The following PDE10A variants were observed in gnomAD, a reference collection of about 807,000 sequenced individuals.
The protein encoded by PDE10A is phosphodiesterase 10A, also known as cAMP and cAMP-inhibited cGMP 3',5'-cyclic phosphodiesterase 10A.
Under a neutral mutation model 97.7 loss-of-function variants are expected in PDE10A, and 39 were observed. The observed-to-expected ratio is 0.40, with a 90% confidence interval of 0.31 to 0.52. The LOEUF (loss-of-function observed/expected upper bound fraction) is 0.52, where lower values mean the gene tolerates loss of function less well. Among genes scored for constraint, PDE10A ranks in the 20% least tolerant of loss-of-function variants. PDE10A has a pLI of 0.56. For missense variants in PDE10A, 731 were observed against 1,047.8 expected, an observed-to-expected ratio of 0.70 and a Z score of 4.17; for synonymous variants, 371 against 376.8, an observed-to-expected ratio of 0.98 and a Z score of 0.18.
intron 1 of PDE10A, among the ~76,000 whole-genome samples, chr6:165,859,329 T>A (rs2498584): frequency 0.66 from 100,662 of 152,048 alleles, 33,891 homozygotes; most frequent in East Asian, 0.93. Flanking sequence ...TAACACAAAT[T>A]TACCATGAAG....
intron 13 of PDE10A, among the ~76,000 whole-genome samples, chr6:165,413,191 C>G (rs1319963670): frequency 6.6e-6 from 1 of 152,132 alleles, no homozygotes; most frequent in African/African-American, 2.4e-5. Context: ...GTAGCATTTT[C>G]TTTCTTCATT....
intron 1 of PDE10A, among the ~76,000 whole-genome samples, chr6:165,728,203 G>T (rs1163120210): frequency 6.6e-6 from 1 of 152,178 alleles, no homozygotes; most frequent in Admixed American, 6.5e-5. Flanking sequence ...GAGCAGGTAG[G>T]GCCCCTAGTC....
rs917786957 is a variant in PDE10A, at chr6:165,604,299, A to T, written c.865+57648T>A. ...GGCGCCTGGCAAACAGCAGACCCCC[A>T]CCAATAAATACTTTCAATAAGTGAA... On this transcript the variant is annotated intron_variant, in intron 1 of 21. Coordinates refer to ENST00000539869, the MANE Select transcript of PDE10A (RefSeq NM_001385079.1). Among the ~76,000 whole-genome samples, 4 of 152,294 alleles carry T rather than the reference A, an allele frequency of 2.6e-5. No individual in the cohort carries two copies. The East Asian group carries it at 7.7e-4, about 29-fold the overall frequency.
chr6:165,676,310 A>G (rs190004235), intron 1 of PDE10A, among the ~76,000 whole-genome samples: 4 of 152,336 alleles, frequency 2.6e-5, no homozygotes, highest in East Asian at 1.9e-4. Flanking sequence ...TGGCCACACT[A>G]AAGTCCAGAC....
At chr6:165,343,120 TTAAG>T (rs1277583993) in intron 19 of PDE10A, among the ~76,000 whole-genome samples, 1 of 152,218 alleles carries the variant, frequency 6.6e-6, no homozygotes, top group African/African-American at 2.4e-5. Flanking sequence ...AGATCAGCTG[TTAAG>T]TAAGATAACT....
At chr6:165,550,150 G>A (rs368706853) in intron 1 of PDE10A, among the ~76,000 whole-genome samples, 13 of 151,982 alleles carry the variant, frequency 8.6e-5, no homozygotes, top group Admixed American at 5.9e-4. Context: ...GACCTTAAAA[G>A]AATTATTTTC....
intron 1 of PDE10A, among the ~76,000 whole-genome samples, chr6:165,602,574 A>ACAGGCCCCTT (rs1787014537): frequency 1.3e-5 from 2 of 152,234 alleles, no homozygotes; most frequent in Admixed American, 1.3e-4. Context: ...CAGCATGTGT[A>ACAGGCCCCTT]CAGGCCCCTT....
chr6:165,689,300 A>G (rs1020685062), intron 1 of PDE10A, among the ~76,000 whole-genome samples: 3 of 152,194 alleles, frequency 2.0e-5, no homozygotes, highest in African/African-American at 7.2e-5. Flanking sequence ...TGTTTCCAAC[A>G]TTTTTGTGTG....
chr6:165,384,432 G>A lies in PDE10A; in HGVS notation c.2610+3866C>T, dbSNP rs1402461869. Among the ~76,000 whole-genome samples the A allele has an allele frequency of 2.6e-5, 4 of 152,184 alleles. No homozygotes were observed. In the East Asian group the frequency reaches 7.7e-4, roughly 29 times the overall value. On this transcript the variant is annotated intron_variant, in intron 17 of 21. Transcript: ENST00000539869. ...CACAATGGGAAGCTCAGGGAAAAAT[G>A]AGAACGCAGACTGACCTTCTCTGCA...
chr6:165,804,106 C>A (rs1779052027), intron 1 of PDE10A, among the ~76,000 whole-genome samples: 1 of 152,174 alleles, frequency 6.6e-6, no homozygotes, highest in Non-Finnish European at 1.5e-5. Context: ...CGTCCTTAAC[C>A]AAGATCTAGT....
At chr6:165,373,639 TA>T (rs1784413625) in intron 18 of PDE10A, among the ~76,000 whole-genome samples, 1 of 152,118 alleles carries the variant, frequency 6.6e-6, no homozygotes, top group South Asian at 2.1e-4. Flanking sequence ...GGTGGGACTG[TA>T]AACTAGTTCA....
At chr6:165,379,410 G>A (rs769048771) in intron 17 of PDE10A, 44 bp from the exon 18 acceptor site, 32 of 1,446,036 alleles carry the variant, frequency 2.2e-5, no homozygotes, top group South Asian at 1.7e-4. Context: ...ACAAGCACAA[G>A]CTCTAATCTT....
chr6:165,449,015 G>A (rs1347062465), intron 4 of PDE10A, 38 bp from the exon 5 acceptor site: 1 of 1,530,794 alleles, frequency 6.5e-7, no homozygotes, highest in South Asian at 1.1e-5. Context: ...ACTGAGCTCA[G>A]TGGGAGAATC....
chr6:165,394,753 C>A (rs1364153897), intron 15 of PDE10A, among the ~76,000 whole-genome samples: 1 of 152,124 alleles, frequency 6.6e-6, no homozygotes, highest in African/African-American at 2.4e-5. Flanking sequence ...CTTTAATGAT[C>A]GCCATTCTAA....
chr6:165,603,592 G>C (rs1787070197), intron 1 of PDE10A, among the ~76,000 whole-genome samples: 1 of 152,188 alleles, frequency 6.6e-6, no homozygotes, highest in Admixed American at 6.5e-5. Context: ...TCTCCTAAGT[G>C]GCTCAGATGA....
rs992040354 is a variant in PDE10A at position 165,662,666 on chromosome 6, G to C, written c.146C>G (p.Pro49Arg). 1 of 140,682 alleles carries C rather than the reference G, an allele frequency of 7.1e-6. No individual in the cohort carries two copies. Among genetic ancestry groups the C allele is most frequent in the Non-Finnish European group, 1.6e-5 (1 of 63,596 alleles). The allele number at this position is 140,682 out of a possible 1,614,324, so 8.7% of individuals were successfully genotyped here. Residue 49 changes from proline to arginine, a missense_variant, in exon 1 of 22, where the codon CCG becomes CGG. By Grantham distance (103) the Pro-to-Arg change is moderately radical. Around this residue, in one of 8 missense-constraint regions of PDE10A, gnomAD observed 181 missense variants for 159.1 expected, o/e 1.14. Transcript: ENST00000539869. ...AGGGSAAGPG[P>R]APEWPGRGRA... ...GCCACGGCCAGGCCACTCGGGGGCC[G>C]GGCCCGGGCCCGCCGCGCTCCCCCC...
chr6:165,761,444 A>T (rs1010919601), intron 1 of PDE10A, among the ~76,000 whole-genome samples: 4 of 146,764 alleles, frequency 2.7e-5, no homozygotes, highest in African/African-American at 1.1e-4. Flanking sequence ...CAGCCCCTCC[A>T]TGCGGGTCAC....
rs899973788 is a variant in PDE10A at position 165,849,314 on chromosome 6, C to T, written c.-615+138215G>A. Reference sequence around the variant, plus strand: ...GGCCCTAAGTCTATGAAAAACATTGCTGTTATCGAACCCATGTTTAAATCC... The same window carrying T: ...GGCCCTAAGTCTATGAAAAACATTGTTGTTATCGAACCCATGTTTAAATCC... On this transcript the variant is annotated intron_variant, in intron 1 of 19. Coordinates refer to the PDE10A transcript ENST00000366882. 9.8e-5 allele frequency among the ~76,000 whole-genome samples: 15 copies of T among 152,296 alleles called. No individual in the cohort carries two copies. The East Asian group carries it at 2.9e-3, about 29-fold the overall frequency.
intron 2 of PDE10A, among the ~76,000 whole-genome samples, chr6:165,526,213 A>T (rs1487698422): frequency 1.3e-5 from 2 of 152,166 alleles, no homozygotes; most frequent in Non-Finnish European, 2.9e-5. Context: ...GCTGATGTTG[A>T]TTCCAGGGGA....
Sources: allele counts gnomAD v4.1 joint callset (sites outside exome capture counted in the v4.1 genomes callset), GRCh38; gene constraint gnomAD v4.1.1; regional missense constraint gnomAD v4.1.1; transcripts MANE v1.5; gene names NCBI Gene and HGNC (gene_info 2026-07-23, HGNC 2026-07-21).